Variants in CCSER1 observed in about 807,000 individuals in gnomAD.
CCSER1 encodes the protein coiled-coil serine rich protein 1, also known as serine-rich coiled-coil domain-containing protein 1.
Under a neutral mutation model 82.0 loss-of-function variants are expected in CCSER1, and 41 were observed. That is an observed-to-expected ratio of 0.50 (90% CI 0.39 to 0.65). CCSER1 has a LOEUF of 0.65. CCSER1 is among the 30% of genes least tolerant of loss of function. The pLI is 0.00. For missense variants in CCSER1, 1,119 were observed against 1,064.2 expected (o/e 1.05, Z -0.72); for synonymous variants, 414 against 383.9 (o/e 1.08, Z -0.92).
intron 9 of CCSER1, among the ~76,000 whole-genome samples, chr4:90,954,033 A>C (rs1045852565): frequency 7.0e-6 from 1 of 141,888 alleles, no homozygotes; most frequent in Non-Finnish European, 1.5e-5. Flanking sequence ...TTGAATGCTT[A>C]CCAATTTGGA....
intron 10 of CCSER1, among the ~76,000 whole-genome samples, chr4:91,182,032 A>T (rs1734080394): frequency 6.6e-6 from 1 of 152,150 alleles, no homozygotes. Flanking sequence ...ATTCATTGTG[A>T]CTGGTTGTCC....
At chr4:90,394,195 G>A (rs974426270) in intron 3 of CCSER1, among the ~76,000 whole-genome samples, 1 of 151,072 alleles carries the variant, frequency 6.6e-6, no homozygotes, top group Non-Finnish European at 1.5e-5. Context: ...CCAAACATAA[G>A]GGGCTGATTT....
intron 1 of CCSER1, among the ~76,000 whole-genome samples, chr4:90,207,830 G>T (rs1235408971): frequency 1.3e-5 from 2 of 152,200 alleles, no homozygotes; most frequent in African/African-American, 4.8e-5. Flanking sequence ...AGTAGAGGCT[G>T]CAGAACAGCA....
intron 10 of CCSER1, among the ~76,000 whole-genome samples, chr4:91,311,306 T>C (rs977633329): frequency 7.2e-5 from 11 of 151,992 alleles, no homozygotes; most frequent in Non-Finnish European, 1.5e-4. Context: ...AAACTTTAAG[T>C]TATCTGCATT....
intron 6 of CCSER1, among the ~76,000 whole-genome samples, chr4:90,650,867 A>G (rs1459213613): frequency 6.6e-6 from 1 of 152,214 alleles, no homozygotes; most frequent in African/African-American, 2.4e-5. Flanking sequence ...ATTGCTTTAA[A>G]TATGTGAAAT....
At chr4:90,695,545 G>A (rs1414174251) in intron 6 of CCSER1, among the ~76,000 whole-genome samples, 1 of 151,980 alleles carries the variant, frequency 6.6e-6, no homozygotes, top group Non-Finnish European at 1.5e-5. Context: ...GTAAGGAATG[G>A]AACTAATCCT....
intron 6 of CCSER1, among the ~76,000 whole-genome samples, chr4:90,689,412 A>C (rs1326135824): frequency 6.6e-6 from 1 of 152,160 alleles, no homozygotes; most frequent in Non-Finnish European, 1.5e-5. Context: ...ATCTGGTTAG[A>C]ATATATTAAT....
In CCSER1 at chr4:90,983,533, G is replaced by A. The variant is rs17199344; in HGVS notation, c.2172+60086G>A. 2.8e-4 allele frequency among the ~76,000 whole-genome samples: 42 copies of A among 151,554 alleles called. No individual in the cohort carries two copies. In the South Asian group the frequency reaches 7.9e-3, roughly 28 times the overall value. ...TGTTTGTATTACTAGAAATACCTGA[G>A]AGTCCTGTTTTAACAGTGTTTATTA... On this transcript the variant is annotated intron_variant, in intron 9 of 10. Transcript: ENST00000509176.
intron 10 of CCSER1, among the ~76,000 whole-genome samples, chr4:91,511,322 A>G (rs1351727051): frequency 1.3e-5 from 2 of 151,876 alleles, no homozygotes; most frequent in Admixed American, 1.3e-4. Context: ...TTGTTGTTCT[A>G]TGTGAATTTT....
At chr4:91,186,596 C>G (rs545919676) in intron 10 of CCSER1, among the ~76,000 whole-genome samples, 1 of 152,162 alleles carries the variant, frequency 6.6e-6, no homozygotes, top group Non-Finnish European at 1.5e-5. Flanking sequence ...TATAGAGGTG[C>G]GCAGTGGGAA....
chr4:90,611,097 C>A (rs551915400), intron 5 of CCSER1, among the ~76,000 whole-genome samples: 1 of 99,408 alleles, frequency 1.0e-5, no homozygotes, highest in East Asian at 3.2e-4. Context: ...TAGAGTTTTA[C>A]CATGTTGATC....
intron 10 of CCSER1, among the ~76,000 whole-genome samples, chr4:91,122,700 TGAA>T (rs992756153): frequency 1.3e-5 from 2 of 151,712 alleles, no homozygotes; most frequent in African/African-American, 2.4e-5. Flanking sequence ...GAACTCATTA[TGAA>T]GAAGGTCAAA....
intron 6 of CCSER1, among the ~76,000 whole-genome samples, chr4:90,698,775 T>C (rs1737467112): frequency 6.6e-6 from 1 of 152,120 alleles, no homozygotes; most frequent in Non-Finnish European, 1.5e-5. Context: ...AACTAGCCAG[T>C]AGTGAGGAAC....
At position 90,499,572 on chromosome 4, in the gene CCSER1, G is replaced by GT. The variant is rs1769540501; in HGVS notation, c.1724+31223dup. Among the ~76,000 whole-genome samples the GT allele has an allele frequency of 2.0e-5, 3 of 151,992 alleles. No individual in the cohort carries two copies. In the East Asian group the frequency reaches 5.8e-4, roughly 29 times the overall value. On this transcript the variant is annotated intron_variant, in intron 5 of 10. Coordinates refer to ENST00000509176, the MANE Select transcript of CCSER1 (RefSeq NM_001145065.2). ...TATATATGAATTACTCAATGGTTTT[G>GT]TTTTTATTTTTTTCACACTATCTAT...
At chr4:91,149,418 T>A (rs1222480493) in intron 10 of CCSER1, among the ~76,000 whole-genome samples, 1 of 152,204 alleles carries the variant, frequency 6.6e-6, no homozygotes, top group Non-Finnish European at 1.5e-5. Flanking sequence ...TTTTCTCCCA[T>A]TCTGTAGGTT....
intron 7 of CCSER1, among the ~76,000 whole-genome samples, chr4:90,731,548 AAGC>A (rs1233409216): frequency 6.6e-6 from 1 of 152,192 alleles, no homozygotes; most frequent in African/African-American, 2.4e-5. Flanking sequence ...GTGAAGAAAT[AAGC>A]AGGTAAAAAT....
chr4:90,732,644 C>T (rs1183042577), intron 7 of CCSER1, among the ~76,000 whole-genome samples: 1 of 152,070 alleles, frequency 6.6e-6, no homozygotes, highest in Non-Finnish European at 1.5e-5. Context: ...CTCTGGTTAC[C>T]AGTCAGTCAA....
At chr4:90,273,305 T>C (rs1726931980) in intron 1 of CCSER1, among the ~76,000 whole-genome samples, 1 of 152,088 alleles carries the variant, frequency 6.6e-6, no homozygotes, top group Non-Finnish European at 1.5e-5. Flanking sequence ...TTTGACAGGC[T>C]AACAGGGTCA....
intron 1 of CCSER1, among the ~76,000 whole-genome samples, chr4:90,143,491 TACACACACACACACAC>T (rs56859054): frequency 7.1e-6 from 1 of 141,320 alleles, no homozygotes; most frequent in Non-Finnish European, 1.5e-5. Flanking sequence ...AGTACACACA[TACACACACACACACAC>T]ACACACACAC....
Sources: allele counts gnomAD v4.1 joint callset (sites outside exome capture counted in the v4.1 genomes callset), GRCh38; gene constraint gnomAD v4.1.1; transcripts MANE v1.5; gene names NCBI Gene and HGNC (gene_info 2026-07-23, HGNC 2026-07-21).